KDM2B: variants seen among roughly 807,000 people sequenced by gnomAD.
KDM2B encodes lysine demethylase 2B, also known as lysine-specific demethylase 2B.
Under a neutral mutation model 150.0 loss-of-function variants are expected in KDM2B, and 26 were observed. The ratio of observed to expected loss-of-function variants is 0.17; its 90% confidence interval spans 0.13 to 0.24. KDM2B has a LOEUF of 0.24. KDM2B is among the 10% of genes least tolerant of loss of function. KDM2B has a pLI of 1.00. For synonymous variants in KDM2B, 734 were observed against 729.5 expected, an observed-to-expected ratio of 1.01 and a Z score of -0.10; for missense variants, 1,265 against 1,816.9, an observed-to-expected ratio of 0.70 and a Z score of 5.52.
chr12:121,487,303 C>T (rs1470910108), intron 12 of KDM2B, among the ~76,000 whole-genome samples: 7 of 152,142 alleles, frequency 4.6e-5, no homozygotes, highest in African/African-American at 1.7e-4. Context: ...TGTGGGCATT[C>T]GTTGATTGGA....
chr12:121,421,371 T>TAAAAAAAAAAAAAA, the KDM2B span, among the ~76,000 whole-genome samples: 2 of 46,366 alleles, frequency 4.3e-5, no homozygotes, highest in Non-Finnish European at 4.4e-5. Flanking sequence ...ATCCCATCTC[T>TAAAAAAAAAAAAAA]AAAAAAAAAA....
At chr12:121,494,689 A>G (rs782557165) in intron 11 of KDM2B, 24 bp from the exon 12 acceptor site, 12 of 1,589,692 alleles carry the variant, frequency 7.5e-6, no homozygotes, top group Non-Finnish European at 1.0e-5. Context: ...AAGCATCCAT[A>G]TTAGCCCAGG....
chr12:121,484,364 G>A (rs1348410832), intron 12 of KDM2B, among the ~76,000 whole-genome samples: 5 of 152,186 alleles, frequency 3.3e-5, no homozygotes. Flanking sequence ...AGGAAGGAGT[G>A]TAAGCAAAGA....
intron 6 of KDM2B, among the ~76,000 whole-genome samples, chr12:121,548,189 C>T (rs1374959614): frequency 6.6e-6 from 1 of 152,136 alleles, no homozygotes; most frequent in East Asian, 1.9e-4. Flanking sequence ...ATTGCTTGAA[C>T]CCAGGAGGCG....
intron 11 of KDM2B, among the ~76,000 whole-genome samples, chr12:121,501,964 G>T (rs1270107996): frequency 6.6e-6 from 1 of 152,074 alleles, no homozygotes; most frequent in Non-Finnish European, 1.5e-5. Context: ...TGGTGATCTG[G>T]GCTTTACACC....
downstream of KDM2B, among the ~76,000 whole-genome samples, chr12:121,424,998 C>T (rs901002880): frequency 1.3e-5 from 2 of 152,262 alleles, no homozygotes; most frequent in Middle Eastern, 3.4e-3. Flanking sequence ...GCTCTTAACC[C>T]TTCCAGTACC....
chr12:121,488,436 C>A (rs1278835598), intron 12 of KDM2B, among the ~76,000 whole-genome samples: 1 of 152,088 alleles, frequency 6.6e-6, no homozygotes, highest in Non-Finnish European at 1.5e-5. Flanking sequence ...CACCACAGGC[C>A]CGCAAGAAAG....
intron 6 of KDM2B, among the ~76,000 whole-genome samples, chr12:121,543,910 C>A (rs1460960464): frequency 1.3e-5 from 2 of 151,818 alleles, no homozygotes; most frequent in Non-Finnish European, 2.9e-5. Flanking sequence ...CCACTTGAGT[C>A]CAGGAGGTCA....
intron 6 of KDM2B, among the ~76,000 whole-genome samples, chr12:121,544,397 G>A (rs1468369802): frequency 6.6e-6 from 1 of 152,172 alleles, no homozygotes; most frequent in Admixed American, 6.5e-5. Flanking sequence ...ATCACCTGAG[G>A]TCAGGAGCTC....
intron 9 of KDM2B, among the ~76,000 whole-genome samples, chr12:121,519,723 T>C (rs1886522655): frequency 1.3e-5 from 2 of 152,180 alleles, no homozygotes. Context: ...CACAATCTTA[T>C]AAAGATACTA....
intron 4 of KDM2B, among the ~76,000 whole-genome samples, chr12:121,554,422 G>C (rs1186489061): frequency 1.7e-5 from 2 of 118,910 alleles, no homozygotes; most frequent in South Asian, 2.6e-4. Context: ...TTTTTTTTTT[G>C]AGACAAAGTC....
At chr12:121,420,836 G>A in the KDM2B span, 1 of 1,363,162 alleles carries the variant, frequency 7.3e-7, no homozygotes, top group Non-Finnish European at 1.0e-6. Flanking sequence ...TTTAAAAACT[G>A]GGTTGTTTTT....
At chr12:121,548,526 C>T (rs571751006) in intron 6 of KDM2B, among the ~76,000 whole-genome samples, 2 of 152,324 alleles carry the variant, frequency 1.3e-5, no homozygotes, top group Non-Finnish European at 2.9e-5. Context: ...ACTCCCAGGA[C>T]ACAATGTCTC....
chr12:121,423,773 C>T, the KDM2B span: 20 of 551,200 alleles, frequency 3.6e-5, no homozygotes, highest in African/African-American at 9.6e-5. This position sits in a 1 kb window ranked among gnomAD's most constrained non-coding sequence, Gnocchi z 4.3. Context: ...CCTGTGGACA[C>T]GTGAGCTTCC....
chr12:121,472,716 C>A (rs933321324), intron 12 of KDM2B, among the ~76,000 whole-genome samples: 15 of 152,128 alleles, frequency 9.9e-5, no homozygotes, highest in Admixed American at 5.9e-4. Flanking sequence ...CACCACTCAC[C>A]CCATTCCCAA....
chr12:121,410,593 A>G, the KDM2B span, among the ~76,000 whole-genome samples: 6 of 151,962 alleles, frequency 3.9e-5, no homozygotes, highest in African/African-American at 1.4e-4. Context: ...CTTCAAATAT[A>G]CTAGTGACAG....
rs555380760 is a variant in KDM2B at position 121,516,412 on chromosome 12, A to T, written c.1048-3010T>A. 2.0e-3 allele frequency: 2,046 copies of T among 1,008,542 alleles called. 6 individuals are homozygous for T. The highest frequency in any genetic ancestry group is 3.5e-3 in the South Asian group (237 of 68,320). The allele number at this position is 1,008,542 out of a possible 1,614,324, so 62.5% of individuals were successfully genotyped here. A position where few individuals can be genotyped will look rare whatever the true frequency, so the allele number is the denominator to read the frequency against. On this transcript the variant is annotated intron_variant, in intron 9 of 22. Transcript: ENST00000377071. ...AATTCAAATTTTTATTTATTTATTTATTTTTTTTTCCAAGAGAGGACTGCG... is the reference window on the plus strand; with the variant it reads ...AATTCAAATTTTTATTTATTTATTTTTTTTTTTTTCCAAGAGAGGACTGCG...
rs373233914 is a variant in KDM2B, at chr12:121,444,106, G to A, written c.2357C>T (p.Pro786Leu). The change falls in exon 16 of 23, where the codon CCG becomes CTG. Residue 786 changes from proline to leucine, a missense_variant. Pro to Leu is a moderately conservative substitution (Grantham distance 98). Coordinates refer to ENST00000377071, the MANE Select transcript of KDM2B (RefSeq NM_032590.5). ...RRSDEHSKKV[P>L]PDGLLRRKSD... Reference sequence around the variant, plus strand: ...CTTTCTGCGCAGAAGGCCGTCCGGCGGCACCTTCTTCGAGTGCTCATCCGA... The same window carrying A: ...CTTTCTGCGCAGAAGGCCGTCCGGCAGCACCTTCTTCGAGTGCTCATCCGA... 5.6e-5 allele frequency: 90 copies of A among 1,613,526 alleles called. No homozygotes were observed. The highest frequency in any genetic ancestry group is 4.9e-4 in the Middle Eastern group (3 of 6,084).
intron 9 of KDM2B, among the ~76,000 whole-genome samples, chr12:121,519,198 T>C (rs1886483134): frequency 6.6e-6 from 1 of 152,336 alleles, no homozygotes. Context: ...GGGCCCACAA[T>C]GCCGGGACTG....
Sources: gnomAD v4.1 joint callset for allele counts (sites outside exome capture counted in the v4.1 genomes callset) on GRCh38, gnomAD v4.1.1 for gene constraint, Gnocchi (gnomAD v3.1) non-coding constraint, MANE v1.5 for transcripts, NCBI Gene and HGNC (gene_info 2026-07-23, HGNC 2026-07-21) for gene names.